Variants in KCNQ3 observed in about 807,000 individuals in gnomAD.
The protein encoded by KCNQ3 is potassium voltage-gated channel subfamily KQT member 3.
A neutral mutation model predicts 92.5 loss-of-function variants in KCNQ3; 30 were observed. That is an observed-to-expected ratio of 0.32 (90% confidence interval 0.24 to 0.44). The LOEUF (loss-of-function observed/expected upper bound fraction) is 0.44. Among genes scored for constraint, KCNQ3 ranks in the 20% least tolerant of loss-of-function variants. KCNQ3 has a pLI of 1.00. For missense variants in KCNQ3, 913 were observed against 1,140.3 expected (o/e 0.80, Z 2.87); for synonymous variants, 450 against 468.8 (o/e 0.96, Z 0.52).
chr8:132,174,204 T>G, intron 6 of KCNQ3, 35 bp downstream of exon 6: 1 of 1,462,544 alleles, frequency 6.8e-7, no homozygotes, highest in East Asian at 2.5e-5. Context: ...GTCCTGCACG[T>G]CACATTGGGG....
chr8:132,235,636 C>T (rs1339167124), intron 1 of KCNQ3, among the ~76,000 whole-genome samples: 1 of 152,218 alleles, frequency 6.6e-6, no homozygotes, highest in Non-Finnish European at 1.5e-5. Flanking sequence ...AGTTACCTGC[C>T]TCCTTGACTA....
chr8:132,402,689 A>G (rs184203549), intron 1 of KCNQ3, among the ~76,000 whole-genome samples: 3 of 152,264 alleles, frequency 2.0e-5, no homozygotes, highest in Admixed American at 2.0e-4. Context: ...CAATGCAAAG[A>G]CAGAATTATA....
rs1817782961 is a variant in KCNQ3, at chr8:132,317,735, G to A, written c.387-131554C>T. 3.3e-5 allele frequency among the ~76,000 whole-genome samples: 5 copies of A among 152,178 alleles called. No homozygotes were observed. In the South Asian group the frequency reaches 1.0e-3, roughly 32 times the overall value. ...ATCCTTCCCAGGTCCTCCCTCTGGTGACCCCCGTGAAGTGCTTTGCCCCGA... is the reference window on the plus strand; with the variant it reads ...ATCCTTCCCAGGTCCTCCCTCTGGTAACCCCCGTGAAGTGCTTTGCCCCGA... On this transcript the variant is annotated intron_variant, in intron 1 of 14. Coordinates refer to ENST00000388996, the MANE Select transcript of KCNQ3 (RefSeq NM_004519.4).
At position 132,163,482 on chromosome 8, in the gene KCNQ3, C is replaced by T. The variant is rs913811509; in HGVS notation, c.1248G>A (p.Leu416=). 2.5e-6 allele frequency: 4 copies of T among 1,612,196 alleles called. No homozygotes were observed. Among genetic ancestry groups the T allele is most frequent in the African/African-American group, 2.7e-5 (2 of 74,900 alleles). Residue 416 remains leucine (L), a synonymous_variant, in exon 9 of 15, where the codon CTG becomes CTA. Transcript: ENST00000388996. ...CAGAAACTTACCTGGATGCTGCCTCCAGCTGTTCTTTCCTAGAAAGAGAAG... is the reference window on the plus strand; with the variant it reads ...CAGAAACTTACCTGGATGCTGCCTCTAGCTGTTCTTTCCTAGAAAGAGAAG... ...VSFPFFRKEQ[L]EAASSQKLGL...
chr8:132,309,954 G>A (rs1586916224), intron 1 of KCNQ3, among the ~76,000 whole-genome samples: 1 of 151,674 alleles, frequency 6.6e-6, no homozygotes, highest in South Asian at 2.1e-4. Context: ...AATTACTTTA[G>A]GTATTGTTTT....
rs140623766 is a variant in KCNQ3 at position 132,139,934 on chromosome 8, T to C, written c.1568+142A>G. 5.7e-4 allele frequency: 362 copies of C among 633,158 alleles called. 6 individuals are homozygous for C. In the East Asian group the frequency reaches 9.4e-3, roughly 17 times the overall value. 39.2% of individuals were successfully genotyped at this position (633,158 alleles called of 1,614,324 possible). On this transcript the variant is annotated intron_variant, in intron 11 of 14. Coordinates refer to ENST00000388996, the MANE Select transcript of KCNQ3 (RefSeq NM_004519.4). ...GGGCAGCATACAGTATTTACATACT[T>C]CAGGGACCTAACTCAGGGTTAGTGG...
intron 1 of KCNQ3, among the ~76,000 whole-genome samples, chr8:132,359,177 G>T (rs1420199298): frequency 6.7e-6 from 1 of 150,214 alleles, no homozygotes; most frequent in Admixed American, 6.6e-5. Context: ...ACAGTTTAAC[G>T]GTAGTGGGGT....
At chr8:132,322,985 C>G (rs1038727699) in intron 1 of KCNQ3, among the ~76,000 whole-genome samples, 33 of 152,146 alleles carry the variant, frequency 2.2e-4, no homozygotes, top group Non-Finnish European at 4.3e-4. Context: ...CCCTTTGTTT[C>G]AGAGAGCAGT....
rs535906569 is a variant in KCNQ3, at chr8:132,471,015, T to A, written c.386+9132A>T. ...TTTGTCTCATTATACACAAGTTTGA[T>A]AACTTTTGTTCAGGTGGAGTCTGCC... On this transcript the variant is annotated intron_variant, in intron 1 of 14. Coordinates refer to ENST00000388996, the MANE Select transcript of KCNQ3 (RefSeq NM_004519.4). 9.2e-5 allele frequency among the ~76,000 whole-genome samples: 14 copies of A among 152,354 alleles called. No homozygotes were observed. The Middle Eastern group carries it at 0.02, about 222-fold the overall frequency.
At chr8:132,283,092 C>CTCTCGTGTGT (rs1355042079) in intron 1 of KCNQ3, among the ~76,000 whole-genome samples, 1 of 130,608 alleles carries the variant, frequency 7.7e-6, no homozygotes, top group African/African-American at 3.0e-5. Flanking sequence ...CTCTCTCTCT[C>CTCTCGTGTGT]GTGTGTGTGT....
At chr8:132,475,493 A>T (rs1822390117) in intron 1 of KCNQ3, among the ~76,000 whole-genome samples, 1 of 152,162 alleles carries the variant, frequency 6.6e-6, no homozygotes, top group African/African-American at 2.4e-5. Flanking sequence ...GGGGTAAAGG[A>T]CACTTATGGT....
chr8:132,214,323 G>A (rs1375390069), intron 1 of KCNQ3, among the ~76,000 whole-genome samples: 1 of 152,178 alleles, frequency 6.6e-6, no homozygotes, highest in Admixed American at 6.5e-5. Flanking sequence ...GATTTTAAAT[G>A]AACCAAGCCA....
In KCNQ3 at chr8:132,162,199, G is replaced by A. The variant is rs754455291; in HGVS notation, c.1262+1269C>T. ...CATCTATCTGAGCCCTAATTAAACC[G>A]GAAGTGCTGAATCCAGGGCACAGTG... is the stretch of plus-strand genomic sequence containing the variant. On this transcript the variant is annotated intron_variant, in intron 9 of 14. Coordinates refer to ENST00000388996, the MANE Select transcript of KCNQ3 (RefSeq NM_004519.4). 1.6e-4 allele frequency among the ~76,000 whole-genome samples: 24 copies of A among 152,156 alleles called. 1 individual carries two copies. The highest frequency in any genetic ancestry group is 1.4e-3 in the Admixed American group (21 of 15,268).
At chr8:132,245,581 C>T (rs1043093099) in intron 1 of KCNQ3, among the ~76,000 whole-genome samples, 1 of 152,072 alleles carries the variant, frequency 6.6e-6, no homozygotes, top group Admixed American at 6.6e-5. Context: ...CCATGCCCAC[C>T]AAGAAAATAT....
intron 1 of KCNQ3, among the ~76,000 whole-genome samples, chr8:132,308,539 T>C (rs754018487): frequency 2.6e-5 from 4 of 152,158 alleles, no homozygotes; most frequent in African/African-American, 4.8e-5. Flanking sequence ...TTCTCAGAGT[T>C]ATTTATCATG....
chr8:132,214,776 G>A (rs551059948), intron 1 of KCNQ3, among the ~76,000 whole-genome samples: 41 of 152,368 alleles, frequency 2.7e-4, no homozygotes, highest in Non-Finnish European at 5.3e-4. Context: ...TGCCACAGGT[G>A]AGGAGACTTA....
intron 1 of KCNQ3, among the ~76,000 whole-genome samples, chr8:132,216,957 T>C (rs1270064946): frequency 6.6e-6 from 1 of 152,114 alleles, no homozygotes; most frequent in Non-Finnish European, 1.5e-5. Flanking sequence ...AAGAACAAAT[T>C]ATATATATTT....
chr8:132,200,555 C>G (rs969919240), intron 1 of KCNQ3, among the ~76,000 whole-genome samples: 2 of 152,028 alleles, frequency 1.3e-5, no homozygotes, highest in Admixed American at 1.3e-4. Flanking sequence ...TATATGGGAC[C>G]TAATCTTAAA....
At chr8:132,148,004 C>G (rs916656948) in intron 9 of KCNQ3, among the ~76,000 whole-genome samples, 3 of 152,162 alleles carry the variant, frequency 2.0e-5, no homozygotes, top group Non-Finnish European at 4.4e-5. Flanking sequence ...GTAATAAACA[C>G]CTGTCACCTT....
Sources: allele counts gnomAD v4.1 joint callset (sites outside exome capture counted in the v4.1 genomes callset), GRCh38; gene constraint gnomAD v4.1.1; transcripts MANE v1.5; gene names NCBI Gene and HGNC (gene_info 2026-07-23, HGNC 2026-07-21).